The following ABI3BP variants were observed in gnomAD, a reference collection of about 807,000 sequenced individuals.
The protein encoded by ABI3BP is ABI family member 3 binding protein.
Under a neutral mutation model 268.6 loss-of-function variants are expected in ABI3BP, and 216 were observed. The observed-to-expected ratio is 0.80, with a 90% CI of 0.72 to 0.90. The LOEUF is 0.90. ABI3BP is among the 40% of genes least tolerant of loss of function. ABI3BP has a pLI of 0.00. For synonymous variants in ABI3BP, 730 were observed against 730.0 expected (o/e 1.00, Z 0.00); for missense variants, 2,090 against 2,182.4 (o/e 0.96, Z 0.84).
At chr3:100,971,285 C>T (rs975186825) in intron 1 of ABI3BP, among the ~76,000 whole-genome samples, 1 of 152,172 alleles carries the variant, frequency 6.6e-6, no homozygotes, top group Non-Finnish European at 1.5e-5. Flanking sequence ...GAAATTCTTC[C>T]ATTATAATGC....
Position 100,875,495 on chromosome 3 carries a change from G to C in ABI3BP, c.817+13C>G. On this transcript the variant is annotated intron_variant, in intron 8 of 67. Coordinates refer to ENST00000471714, the MANE Select transcript of ABI3BP (RefSeq NM_001375547.2). ...TTTGCTTAATCTCGGCATAGATTTC[G>C]AGATCCACTCACCTAGTATCACTCC... 2 of 1,594,302 alleles carry C rather than the reference G, an allele frequency of 1.3e-6. No homozygotes were observed. Among genetic ancestry groups the C allele is most frequent in the South Asian group, 1.1e-5 (1 of 90,630 alleles).
At chr3:100,785,089 T>A (rs1225495606) in intron 57 of ABI3BP, among the ~76,000 whole-genome samples, 1 of 152,166 alleles carries the variant, frequency 6.6e-6, no homozygotes, top group Non-Finnish European at 1.5e-5. Context: ...AAAAAGAATA[T>A]GTCCTATAGA....
chr3:100,753,482 G>A (rs115868406), intron 65 of ABI3BP, among the ~76,000 whole-genome samples: 2,028 of 151,618 alleles, frequency 0.013, 37 homozygotes, highest in African/African-American at 0.047. Context: ...TTGTAGAGAG[G>A]GAGTCTCATT....
intron 61 of ABI3BP, among the ~76,000 whole-genome samples, chr3:100,771,616 A>G (rs1041307581): frequency 7.2e-5 from 11 of 152,230 alleles, no homozygotes; most frequent in African/African-American, 2.4e-4. Context: ...GATGAAAGCT[A>G]TAAGACAGAA....
At chr3:100,751,786 T>C in intron 66 of ABI3BP, 112 bp from the exon 67 acceptor site, 1 of 1,066,160 alleles carries the variant, frequency 9.4e-7, no homozygotes, top group South Asian at 2.1e-5. Context: ...TCTATTACCC[T>C]AGTTCAAACC....
At chr3:100,961,340 C>G (rs1170489250) in intron 1 of ABI3BP, among the ~76,000 whole-genome samples, 1 of 152,168 alleles carries the variant, frequency 6.6e-6, no homozygotes, top group Non-Finnish European at 1.5e-5. Context: ...TCCCAGGGCT[C>G]AGGTAGAAAT....
At chr3:100,915,287 A>G (rs1238085952) in intron 2 of ABI3BP, among the ~76,000 whole-genome samples, 3 of 151,934 alleles carry the variant, frequency 2.0e-5, no homozygotes, top group Non-Finnish European at 4.4e-5. Context: ...CAATTCATAG[A>G]CCTCCAAGGG....
At chr3:100,864,363 T>C (rs1282134624) in intron 11 of ABI3BP, 11 of 424,068 alleles carry the variant, frequency 2.6e-5, no homozygotes, top group Non-Finnish European at 4.2e-5. Flanking sequence ...AGTTAGATTC[T>C]CTTGGGCTAA....
intron 1 of ABI3BP, among the ~76,000 whole-genome samples, chr3:100,979,205 A>G (rs2087908370): frequency 6.6e-6 from 1 of 152,180 alleles, no homozygotes; most frequent in African/African-American, 2.4e-5. Context: ...GCTTCTCCAT[A>G]TACTGAGAGT....
chr3:100,805,851 G>A (rs2097690531), intron 50 of ABI3BP, among the ~76,000 whole-genome samples: 1 of 152,042 alleles, frequency 6.6e-6, no homozygotes, highest in South Asian at 2.1e-4. Flanking sequence ...TCAAAATGAT[G>A]TGAAAATTAT....
intron 1 of ABI3BP, among the ~76,000 whole-genome samples, chr3:100,964,571 G>T (rs1211714643): frequency 1.3e-5 from 2 of 152,126 alleles, no homozygotes; most frequent in African/African-American, 4.8e-5. Flanking sequence ...CCAGGGTATA[G>T]ACACCAGACA....
At position 100,864,051 on chromosome 3, in the gene ABI3BP, T is replaced by C; in HGVS notation, c.1089A>G (p.Thr363=). ...ACTGAGGTATTAGAATAGTTTGCAATGTTTCCGGGGTCCTTTTGCTGAGAA... is the reference window on the plus strand; with the variant it reads ...ACTGAGGTATTAGAATAGTTTGCAACGTTTCCGGGGTCCTTTTGCTGAGAA... ...TLVLSKRTPE[T]LQTILIPQFE... is the part of the protein sequence containing the mutation. Residue 363 remains threonine, a synonymous_variant, in exon 12 of 68, where the codon ACA becomes ACG. Coordinates refer to ENST00000471714, the MANE Select transcript of ABI3BP (RefSeq NM_001375547.2). 1 of 1,536,274 alleles carries C rather than the reference T, an allele frequency of 6.5e-7. No individual in the cohort carries two copies. The highest frequency in any genetic ancestry group is 8.7e-7 in the Non-Finnish European group (1 of 1,146,822).
chr3:100,901,138 C>G (rs189191399), intron 3 of ABI3BP, among the ~76,000 whole-genome samples: 275 of 152,260 alleles, frequency 1.8e-3, no homozygotes, highest in Admixed American at 4.4e-3. Context: ...CTCTCACTAA[C>G]AAGTTGTAAG....
chr3:100,824,876 C>T lies in ABI3BP; in HGVS notation c.2728G>A (p.Ala910Thr). 1 of 1,535,928 alleles carries T rather than the reference C, an allele frequency of 6.5e-7. No homozygotes were observed. Among genetic ancestry groups the T allele is most frequent in the South Asian group, 1.2e-5 (1 of 84,020 alleles). The change falls in exon 36 of 68, where the codon GCA becomes ACA. Residue 910 changes from alanine to threonine, a missense_variant. Transcript: ENST00000471714. Reference protein sequence around the residue: ...PRPKTTPSPQAPETKPVPATV... With the variant: ...PRPKTTPSPQTPETKPVPATV... ...GATTTACCAGGTTTGGTCTCAGGTG[C>T]CTGAGGGCTCGGTGTAGTTTTAGGT...
intron 1 of ABI3BP, among the ~76,000 whole-genome samples, chr3:100,987,967 T>C (rs1226202028): frequency 6.6e-6 from 1 of 152,252 alleles, no homozygotes; most frequent in Non-Finnish European, 1.5e-5. Context: ...AATTTCTTGC[T>C]TGGTGGTTTT....
chr3:100,937,320 A>T (rs996378955), intron 1 of ABI3BP, among the ~76,000 whole-genome samples: 5 of 152,058 alleles, frequency 3.3e-5, no homozygotes, highest in Non-Finnish European at 1.5e-5. Flanking sequence ...TTTCATTCCT[A>T]GGTATTTACT....
chr3:100,848,674 G>T (rs2098803945), intron 18 of ABI3BP, 127 bp downstream of exon 18: 1 of 838,388 alleles, frequency 1.2e-6, no homozygotes, highest in Non-Finnish European at 2.0e-6. Flanking sequence ...TGATCCTCCT[G>T]CCTTGGCCTC....
In ABI3BP at chr3:100,834,779, G is replaced by C; in HGVS notation, c.2192-6C>G. 6.5e-7 allele frequency: 1 copy of C among 1,535,440 alleles called. No homozygotes were observed. Among genetic ancestry groups the C allele is most frequent in the Non-Finnish European group, 8.7e-7 (1 of 1,146,382 alleles). On this transcript the variant is annotated splice_polypyrimidine_tract_variant and splice_region_variant and intron_variant, in intron 28 of 67. Coordinates refer to ENST00000471714, the MANE Select transcript of ABI3BP (RefSeq NM_001375547.2). ...TCGTTGCGATGTTTTTGGAGCTAAA[G>C]AAAGGAAACTGGTTATTGTAGTCAT...
At chr3:100,922,083 G>A (rs1055074130) in intron 2 of ABI3BP, among the ~76,000 whole-genome samples, 2 of 152,202 alleles carry the variant, frequency 1.3e-5, no homozygotes, top group African/African-American at 4.8e-5. Flanking sequence ...GTAAGAGCAG[G>A]AGCTGTAAGT....
Sources: allele counts gnomAD v4.1 joint callset (sites outside exome capture counted in the v4.1 genomes callset), GRCh38; gene constraint gnomAD v4.1.1; transcripts MANE v1.5; gene names NCBI Gene and HGNC (gene_info 2026-07-23, HGNC 2026-07-21).